RABEP1: variants seen among roughly 807,000 people sequenced by gnomAD.
RABEP1 encodes the protein rab GTPase-binding effector protein 1.
RABEP1 carries 51 observed loss-of-function variants against 123.4 expected under a neutral mutation model. The ratio of observed to expected loss-of-function variants is 0.41; its 90% CI spans 0.33 to 0.52. RABEP1 has a LOEUF of 0.52. RABEP1 is among the 20% of genes least tolerant of loss of function. The pLI, the probability that RABEP1 is intolerant of heterozygous loss-of-function variation, is 0.16. For missense variants in RABEP1, 888 were observed against 996.3 expected (o/e 0.89, Z 1.46); for synonymous variants, 347 against 355.2 (o/e 0.98, Z 0.26).
chr17:5,353,081 T>A (rs1418626904), intron 7 of RABEP1, among the ~76,000 whole-genome samples: 1 of 152,158 alleles, frequency 6.6e-6, no homozygotes, highest in East Asian at 1.9e-4. Context: ...AATCTCTGAT[T>A]CCAGAGTCTA....
intron 5 of RABEP1, among the ~76,000 whole-genome samples, chr17:5,343,464 T>A (rs1001898134): frequency 6.6e-6 from 1 of 151,648 alleles, no homozygotes; most frequent in Non-Finnish European, 1.5e-5. Context: ...GGCATGAGAA[T>A]CATGAGAATC....
intron 2 of RABEP1, among the ~76,000 whole-genome samples, chr17:5,312,100 T>C (rs1237742690): frequency 6.6e-6 from 1 of 152,226 alleles, no homozygotes; most frequent in African/African-American, 2.4e-5. Context: ...TGCCAAAAGA[T>C]TTGTTACACT....
At chr17:5,336,604 C>A in intron 4 of RABEP1, 1 of 390,968 alleles carries the variant, frequency 2.6e-6, no homozygotes, top group Non-Finnish European at 4.8e-6. Context: ...TTTTAAAGTG[C>A]TTTTTAAAGG....
rs903928681 is a variant in RABEP1 at position 5,359,743 on chromosome 17, C to T, written c.1096-1465C>T. Among the ~76,000 whole-genome samples the T allele has an allele frequency of 7.9e-5, 12 of 152,206 alleles. No homozygotes were observed. In the South Asian group the frequency reaches 1.0e-3, roughly 13 times the overall value. ...AACAACAACTGTATTCCACAGTCTC[C>T]TCTGGTTCATTTAAAACAGGGCGTT... On this transcript the variant is annotated intron_variant, in intron 8 of 17. Transcript: ENST00000537505.
At chr17:5,327,411 A>G (rs1435102356) in intron 2 of RABEP1, among the ~76,000 whole-genome samples, 1 of 152,108 alleles carries the variant, frequency 6.6e-6, no homozygotes, top group East Asian at 1.9e-4. Context: ...AAACATAGAC[A>G]AGATGTTTGG....
At chr17:5,367,059 C>T (rs376578376) in intron 11 of RABEP1, among the ~76,000 whole-genome samples, 52 of 150,676 alleles carry the variant, frequency 3.5e-4, no homozygotes, top group East Asian at 1.6e-3. Flanking sequence ...ATTGCACTCC[C>T]GCCTGGGCAA....
intron 2 of RABEP1, among the ~76,000 whole-genome samples, chr17:5,317,178 A>T (rs2075306550): frequency 6.6e-6 from 1 of 152,350 alleles, no homozygotes; most frequent in Middle Eastern, 3.4e-3. Flanking sequence ...ACTTGGGAAT[A>T]TAGATGCAAA....
Position 5,373,693 on chromosome 17 carries a change from A to AACACACACACACAC in RABEP1, c.2025+270_2025+283dup, listed in dbSNP as rs55736303. On this transcript the variant is annotated intron_variant, in intron 13 of 17. Transcript: ENST00000537505. The stretch of plus-strand genomic sequence containing the variant: ...CCCTGTGACCCGACTACACCAGCTA[A>AACACACACACACAC]ACACACACACACACACACACACACA... Among the ~76,000 whole-genome samples, 1,057 of 135,306 alleles carry AACACACACACACAC rather than the reference A, an allele frequency of 7.8e-3. 17 individuals are homozygous for AACACACACACACAC. The highest frequency in any genetic ancestry group is 0.012 in the Non-Finnish European group (776 of 62,520). The allele number at this position is 135,306 out of a possible 152,430, so 88.8% of individuals were successfully genotyped here.
intron 1 of RABEP1, among the ~76,000 whole-genome samples, chr17:5,292,438 A>G (rs2075042405): frequency 6.6e-6 from 1 of 151,846 alleles, no homozygotes; most frequent in Non-Finnish European, 1.5e-5. Context: ...ACCAGGCTGT[A>G]GTGCAGTGGC....
intron 2 of RABEP1, among the ~76,000 whole-genome samples, chr17:5,325,903 A>G (rs1905926325): frequency 6.6e-6 from 1 of 152,206 alleles, no homozygotes; most frequent in Admixed American, 6.5e-5. Flanking sequence ...AGACCCAAAC[A>G]CCTCACTAAA....
In RABEP1 at chr17:5,335,299, G is replaced by C; in HGVS notation, c.483G>C (p.Leu161=). ...AAATAGCTGATTTAAGAAGAAGGCTGTCTGAAGGTCAAGAGGAGGAAAATT... is the reference window on the plus strand; with the variant it reads ...AAATAGCTGATTTAAGAAGAAGGCTCTCTGAAGGTCAAGAGGAGGAAAATT... ...EREIADLRRR[L]SEGQEEENLE... Residue 161 remains leucine (L), a synonymous_variant, in exon 4 of 18, where the codon CTG becomes CTC. Coordinates refer to ENST00000537505, the MANE Select transcript of RABEP1 (RefSeq NM_004703.6). 1 of 1,613,892 alleles carries C rather than the reference G, an allele frequency of 6.2e-7. No homozygotes were observed. Among genetic ancestry groups the C allele is most frequent in the Non-Finnish European group, 8.5e-7 (1 of 1,179,894 alleles).
chr17:5,347,728 C>G (rs989571163), intron 6 of RABEP1, among the ~76,000 whole-genome samples: 1 of 152,138 alleles, frequency 6.6e-6, no homozygotes, highest in Admixed American at 6.5e-5. Context: ...ATAACCCAAA[C>G]TTTGAGTGAA....
At chr17:5,282,699 T>C (rs1416697847) in intron 1 of RABEP1, among the ~76,000 whole-genome samples, 179 bp downstream of exon 1, 1 of 145,510 alleles carries the variant, frequency 6.9e-6, no homozygotes. Context: ...GCGCCCCGGC[T>C]GCCGTCGCTG....
At chr17:5,351,203 G>A (rs1162532563) in intron 7 of RABEP1, among the ~76,000 whole-genome samples, 1 of 151,918 alleles carries the variant, frequency 6.6e-6, no homozygotes, top group East Asian at 1.9e-4. Flanking sequence ...AATAGGAGGT[G>A]GCAGGTGTTC....
At chr17:5,294,923 G>C (rs1376737639) in intron 1 of RABEP1, among the ~76,000 whole-genome samples, 1 of 151,404 alleles carries the variant, frequency 6.6e-6, no homozygotes, top group South Asian at 2.1e-4. Flanking sequence ...TGGGATTACA[G>C]GCGTGAGCCA....
Position 5,385,458 on chromosome 17 carries a change from C to T in RABEP1, c.*2235C>T, listed in dbSNP as rs1806221. The stretch of plus-strand genomic sequence containing the variant: ...TTAATTGACAGTCACTCAGCCATTT[C>T]TAAGCAGATATAGTAGTACCTTTCA... On this transcript the variant is annotated 3_prime_UTR_variant, in exon 18 of 18. Transcript: ENST00000537505. The T allele has an allele frequency of 1.3e-5, 3 of 230,240 alleles. No homozygotes were observed. The highest frequency in any genetic ancestry group is 6.6e-5 in the African/African-American group (3 of 45,128). The allele number at this position is 230,240 out of a possible 1,614,324, so 14.3% of individuals were successfully genotyped here.
intron 15 of RABEP1, among the ~76,000 whole-genome samples, chr17:5,378,961 C>CA (rs1159587800): frequency 6.6e-6 from 1 of 152,232 alleles, no homozygotes; most frequent in Non-Finnish European, 1.5e-5. Flanking sequence ...CTGCTGCCCT[C>CA]ACCTGACCAC....
In RABEP1 at chr17:5,386,329, T is replaced by TA; in HGVS notation, c.*3108dup. 1 of 1,297,422 alleles carries TA rather than the reference T, an allele frequency of 7.7e-7. No homozygotes were observed. The highest frequency in any genetic ancestry group is 1.1e-6 in the Non-Finnish European group (1 of 914,986). 80.4% of individuals were successfully genotyped at this position (1,297,422 alleles called of 1,614,324 possible). ...ATAATAAACCATTTATATGGATTCT[T>TA]AAGAATTTAAACTGGTAATGTTGAA... On this transcript the variant is annotated 3_prime_UTR_variant, in exon 18 of 18. Transcript: ENST00000537505.
chr17:5,311,775 T>A (rs1407275447), intron 2 of RABEP1, among the ~76,000 whole-genome samples: 1 of 150,988 alleles, frequency 6.6e-6, no homozygotes, highest in Non-Finnish European at 1.5e-5. Flanking sequence ...TCTTTTGAGA[T>A]ATATTGGTTC....
Sources: allele counts gnomAD v4.1 joint callset (sites outside exome capture counted in the v4.1 genomes callset), GRCh38; gene constraint gnomAD v4.1.1; transcripts MANE v1.5; gene names NCBI Gene and HGNC (gene_info 2026-07-23, HGNC 2026-07-21).